Variants in XKR9 observed in about 807,000 individuals in gnomAD.
The protein encoded by XKR9 is XK related 9, also known as XK-related protein 9.
In XKR9, 32 loss-of-function variants were observed where a neutral mutation model predicts 32.0. That is an observed-to-expected ratio of 1.00 (90% confidence interval 0.76 to 1.34). The LOEUF (loss-of-function observed/expected upper bound fraction) is 1.34. Among genes scored for constraint, XKR9 ranks in the 40% most tolerant of loss-of-function variants. The pLI is 0.00. For synonymous variants in XKR9, 168 were observed against 143.4 expected (o/e 1.17, Z -1.22); for missense variants, 546 against 429.7 (o/e 1.27, Z -2.39).
chr8:70,751,297 T>C (rs1265538874), intron 2 of XKR9, among the ~76,000 whole-genome samples: 1 of 152,116 alleles, frequency 6.6e-6, no homozygotes, highest in African/African-American at 2.4e-5. Flanking sequence ...GGCTGGCTAA[T>C]TTTTGTATTT....
At chr8:71,025,727 G>C in the XKR9 span, among the ~76,000 whole-genome samples, 192 of 152,256 alleles carry the variant, frequency 1.3e-3, no homozygotes, top group African/African-American at 4.3e-3. Flanking sequence ...TGAAATCACT[G>C]TCATCCCTCA....
the XKR9 span, among the ~76,000 whole-genome samples, chr8:70,829,930 T>C: frequency 2.6e-5 from 4 of 152,364 alleles, no homozygotes; most frequent in African/African-American, 7.2e-5. Flanking sequence ...AGTTGATTTC[T>C]TCTTATGAAT....
rs1408221680 is a variant in XKR9, at chr8:70,735,051, G to T, written c.*627G>T. 1.3e-5 allele frequency: 2 copies of T among 151,994 alleles called. No homozygotes were observed. Among genetic ancestry groups the T allele is most frequent in the African/African-American group, 2.4e-5 (1 of 41,398 alleles). The allele number at this position is 151,994 out of a possible 1,614,324, so 9.4% of individuals were successfully genotyped here. ...ACATATAATTATATTAATCCTATTT[G>T]TGCTAGAATAGTTGTATCTAAATCA... On this transcript the variant is annotated 3_prime_UTR_variant, in exon 5 of 5. Transcript: ENST00000408926.
chr8:70,699,744 G>T (rs990756786), intron 3 of XKR9, among the ~76,000 whole-genome samples: 5 of 152,202 alleles, frequency 3.3e-5, no homozygotes, highest in African/African-American at 4.8e-5. Context: ...TGCTAGATTG[G>T]GGAAGTTCTC....
chr8:70,840,892 A>G, the XKR9 span, among the ~76,000 whole-genome samples: 1 of 152,218 alleles, frequency 6.6e-6, no homozygotes, highest in Non-Finnish European at 1.5e-5. Context: ...CAAAGTGTTT[A>G]TAAAAAATGG....
intron 2 of XKR9, among the ~76,000 whole-genome samples, chr8:70,776,730 T>G (rs186704967): frequency 1.4e-3 from 220 of 152,010 alleles, no homozygotes; most frequent in Non-Finnish European, 2.4e-3. Context: ...CTCTCCTTAG[T>G]CCTCAGATCT....
chr8:70,944,516 C>T, the XKR9 span, among the ~76,000 whole-genome samples: 1 of 152,308 alleles, frequency 6.6e-6, no homozygotes, highest in Non-Finnish European at 1.5e-5. Context: ...TAGGGATCAT[C>T]TCTACAAATA....
chr8:70,884,249 ATTAAG>A, the XKR9 span, among the ~76,000 whole-genome samples: 6,499 of 152,112 alleles, frequency 0.043, 561 homozygotes, highest in East Asian at 0.42. Context: ...ATTGTTGAGT[ATTAAG>A]TTATTTTTGT....
chr8:70,772,152 C>A (rs1479371554), intron 2 of XKR9, among the ~76,000 whole-genome samples: 1 of 152,084 alleles, frequency 6.6e-6, no homozygotes, highest in Non-Finnish European at 1.5e-5. Flanking sequence ...AATTAAAATG[C>A]ATTTTCTTTA....
At chr8:70,811,114 C>T in the XKR9 span, among the ~76,000 whole-genome samples, 1 of 152,166 alleles carries the variant, frequency 6.6e-6, no homozygotes, top group Non-Finnish European at 1.5e-5. Context: ...TGCAATCAAA[C>T]TAGAACTCAG....
chr8:70,854,896 C>T, the XKR9 span, among the ~76,000 whole-genome samples: 1 of 152,252 alleles, frequency 6.6e-6, no homozygotes, highest in Admixed American at 6.5e-5. Flanking sequence ...TGTTTTGATA[C>T]CAGTACCATG....
chr8:70,736,427 C>A (rs963414321), downstream of XKR9, among the ~76,000 whole-genome samples: 1 of 152,082 alleles, frequency 6.6e-6, no homozygotes. Context: ...TGCCTGTTCA[C>A]TCTGATGGTA....
intron 3 of XKR9, among the ~76,000 whole-genome samples, chr8:70,704,609 T>C (rs184832536): frequency 5.3e-5 from 8 of 152,314 alleles, no homozygotes; most frequent in Admixed American, 2.6e-4. Context: ...CTGGCATTAT[T>C]AGAGTCTTGC....
intron 2 of XKR9, among the ~76,000 whole-genome samples, chr8:70,750,732 TTAAC>T (rs1807128148): frequency 6.6e-6 from 1 of 152,224 alleles, no homozygotes; most frequent in African/African-American, 2.4e-5. Flanking sequence ...TTTCTAATCT[TTAAC>T]TATCACCACA....
At chr8:70,839,019 T>A in the XKR9 span, among the ~76,000 whole-genome samples, 229 of 152,186 alleles carry the variant, frequency 1.5e-3, 1 homozygote, top group Non-Finnish European at 2.8e-3. Context: ...GTTTTGTACC[T>A]CCCATTATGA....
At chr8:70,992,037 A>G in the XKR9 span, among the ~76,000 whole-genome samples, 1 of 152,196 alleles carries the variant, frequency 6.6e-6, no homozygotes, top group Non-Finnish European at 1.5e-5. Context: ...CTCAGTCTGT[A>G]ATTACTCCAA....
chr8:70,716,184 T>C (rs1387263713), intron 4 of XKR9, among the ~76,000 whole-genome samples: 3 of 151,944 alleles, frequency 2.0e-5, no homozygotes, highest in Non-Finnish European at 2.9e-5. Flanking sequence ...TGCTAAGAAA[T>C]AATTAGAGGG....
At chr8:70,816,813 T>A in the XKR9 span, among the ~76,000 whole-genome samples, 1 of 152,138 alleles carries the variant, frequency 6.6e-6, no homozygotes, top group Non-Finnish European at 1.5e-5. Context: ...CAAGGTTGGT[T>A]CAACATGTGC....
chr8:71,042,280 G>A, the XKR9 span, among the ~76,000 whole-genome samples: 1 of 152,104 alleles, frequency 6.6e-6, no homozygotes, highest in Admixed American at 6.5e-5. Context: ...ATCTGCCTTG[G>A]GTTCAGGATA....
Sources: gnomAD v4.1 joint callset for allele counts (sites outside exome capture counted in the v4.1 genomes callset) on GRCh38, gnomAD v4.1.1 for gene constraint, MANE v1.5 for transcripts, NCBI Gene and HGNC (gene_info 2026-07-23, HGNC 2026-07-21) for gene names.